PIK3C2G: variants seen among roughly 807,000 people sequenced by gnomAD.
PIK3C2G encodes the protein phosphatidylinositol-4-phosphate 3-kinase catalytic subunit type 2 gamma, also known as phosphatidylinositol 3-kinase C2 domain-containing subunit gamma.
Under a neutral mutation model 181.1 loss-of-function variants are expected in PIK3C2G, and 168 were observed. The observed-to-expected ratio is 0.93, with a 90% CI of 0.82 to 1.05. The LOEUF is 1.05. Among genes scored for constraint, PIK3C2G ranks in the 50% least tolerant of loss-of-function variants. PIK3C2G has a pLI of 0.00. For missense variants in PIK3C2G, 1,869 were observed against 1,732.8 expected, an observed-to-expected ratio of 1.08 and a Z score of -1.40; for synonymous variants, 573 against 592.2, an observed-to-expected ratio of 0.97 and a Z score of 0.47.
the PIK3C2G span, among the ~76,000 whole-genome samples, chr12:18,673,457 A>G: frequency 1.3e-5 from 2 of 152,162 alleles, no homozygotes; most frequent in African/African-American, 4.8e-5. Context: ...TTCTAAAACT[A>G]TTAGGGTTTG....
chr12:18,531,042 C>A (rs763785711), intron 24 of PIK3C2G, among the ~76,000 whole-genome samples: 8 of 152,112 alleles, frequency 5.3e-5, no homozygotes, highest in Non-Finnish European at 1.0e-4. Context: ...GTTAACTATT[C>A]CTTCCTCAAA....
chr12:18,623,015 GTT>G (rs1948932053), intron 31 of PIK3C2G, among the ~76,000 whole-genome samples: 1 of 151,626 alleles, frequency 6.6e-6, no homozygotes. Context: ...GTTGTTTATT[GTT>G]TCTTTTGCTG....
the PIK3C2G span, chr12:18,719,723 G>T: frequency 1.2e-6 from 1 of 811,016 alleles, no homozygotes. Flanking sequence ...TTACTCAGTA[G>T]TAGAGCATAT....
In PIK3C2G at chr12:18,527,771, T is replaced by C. The variant is rs111718079; in HGVS notation, c.3324-10385T>C. Among the ~76,000 whole-genome samples the C allele has an allele frequency of 7.3e-4, 111 of 152,250 alleles. 1 individual carries two copies. Among genetic ancestry groups the C allele is most frequent in the African/African-American group, 2.0e-3 (85 of 41,574 alleles). ...CTATGAATTCAGACACAATATATTA[T>C]ACTTAGGAAAGGAGACTTGATAATT... is the stretch of plus-strand genomic sequence containing the variant. On this transcript the variant is annotated intron_variant, in intron 24 of 32. Transcript: ENST00000538779.
At chr12:18,611,124 T>C (rs1948308681) in intron 31 of PIK3C2G, among the ~76,000 whole-genome samples, 1 of 152,066 alleles carries the variant, frequency 6.6e-6, no homozygotes, top group Non-Finnish European at 1.5e-5. Context: ...CAGATGAAAT[T>C]ACAGTACCAA....
intron 31 of PIK3C2G, among the ~76,000 whole-genome samples, chr12:18,626,393 A>G (rs909335192): frequency 6.6e-6 from 1 of 151,892 alleles, no homozygotes; most frequent in African/African-American, 2.4e-5. Context: ...TATTTTAGCT[A>G]TAGTTCTTAT....
intron 18 of PIK3C2G, among the ~76,000 whole-genome samples, chr12:18,475,984 T>C (rs761259517): frequency 6.6e-6 from 1 of 152,114 alleles, no homozygotes; most frequent in Non-Finnish European, 1.5e-5. Flanking sequence ...GGAGAAACTG[T>C]TGAACCACAA....
At chr12:18,339,424 AGT>A (rs1215024780) in intron 9 of PIK3C2G, among the ~76,000 whole-genome samples, 1 of 151,952 alleles carries the variant, frequency 6.6e-6, no homozygotes, top group Non-Finnish European at 1.5e-5. Flanking sequence ...CAACACTTAC[AGT>A]GTGTGTGTGT....
At chr12:18,566,562 T>C (rs1317790247) in intron 28 of PIK3C2G, among the ~76,000 whole-genome samples, 9 of 152,224 alleles carry the variant, frequency 5.9e-5, no homozygotes, top group African/African-American at 1.9e-4. Context: ...TGTAATGGTG[T>C]CTCTAGTGAA....
the PIK3C2G span, among the ~76,000 whole-genome samples, chr12:18,655,218 A>G: frequency 6.6e-6 from 1 of 152,202 alleles, no homozygotes. Context: ...TATCAGAAAC[A>G]TCAACTGCAG....
the PIK3C2G span, among the ~76,000 whole-genome samples, chr12:18,654,320 A>G: frequency 6.6e-6 from 1 of 151,456 alleles, no homozygotes; most frequent in Non-Finnish European, 1.5e-5. Flanking sequence ...AATCTATCAG[A>G]TAAGAAAAGG....
rs1035684087 is a variant in PIK3C2G at position 18,648,099 on chromosome 12, A to T, written c.*71A>T. ...TTTCACTTCTGGGCCTCTGAATCAC[A>T]TAAGTAAGGCATCTTTGTTGTCAAA... On this transcript the variant is annotated 3_prime_UTR_variant, in exon 33 of 33. Transcript: ENST00000538779. The T allele has an allele frequency of 4.4e-6, 4 of 913,968 alleles. No homozygotes were observed. The African/African-American group carries it at 6.8e-5, about 15-fold the overall frequency. 56.6% of individuals were successfully genotyped at this position (913,968 alleles called of 1,614,324 possible). A position where few individuals can be genotyped will look rare whatever the true frequency, so the allele number is the denominator to read the frequency against.
intron 26 of PIK3C2G, among the ~76,000 whole-genome samples, chr12:18,552,316 G>T (rs764330451): frequency 6.6e-6 from 1 of 152,070 alleles, no homozygotes; most frequent in Non-Finnish European, 1.5e-5. Flanking sequence ...ATAGTTCAAT[G>T]ATTTTATATC....
chr12:18,705,393 G>C, the PIK3C2G span: 1 of 1,534,770 alleles, frequency 6.5e-7, no homozygotes, highest in Non-Finnish European at 9.0e-7. Flanking sequence ...AGTGCTTAAT[G>C]TATTTTAAAA....
chr12:18,348,755 C>A (rs1179070588), intron 11 of PIK3C2G, among the ~76,000 whole-genome samples: 1 of 152,112 alleles, frequency 6.6e-6, no homozygotes, highest in Admixed American at 6.6e-5. Context: ...TAATACATAA[C>A]CAATTACCCC....
chr12:18,428,380 AT>A (rs1050592531), intron 18 of PIK3C2G, among the ~76,000 whole-genome samples: 1 of 151,078 alleles, frequency 6.6e-6, no homozygotes, highest in Non-Finnish European at 1.5e-5. Context: ...AGTTTATGAG[AT>A]TTTTTTTCAC....
chr12:18,319,344 A>G (rs1320922106), intron 6 of PIK3C2G, among the ~76,000 whole-genome samples: 1 of 152,146 alleles, frequency 6.6e-6, no homozygotes, highest in Non-Finnish European at 1.5e-5. Context: ...AAAAATTTTA[A>G]CTTTTTCCTT....
intron 1 of PIK3C2G, among the ~76,000 whole-genome samples, chr12:18,253,588 G>C (rs908050454): frequency 3.3e-5 from 5 of 152,084 alleles, no homozygotes; most frequent in Non-Finnish European, 7.4e-5. Context: ...CTATTAAAAA[G>C]GTCTTATCTA....
chr12:18,487,096 T>TTGTGTGTGTGTGTGTGTGTGTGTGTGTG (rs35440588), intron 18 of PIK3C2G, among the ~76,000 whole-genome samples: 1 of 142,106 alleles, frequency 7.0e-6, no homozygotes, highest in African/African-American at 2.6e-5. Flanking sequence ...TTGAGGTATT[T>TTGTGTGTGTGTGTGTGTGTGTGTGTGTG]TGTGTGTGTG....
Sources: allele counts gnomAD v4.1 joint callset (sites outside exome capture counted in the v4.1 genomes callset), GRCh38; gene constraint gnomAD v4.1.1; transcripts MANE v1.5; gene names NCBI Gene and HGNC (gene_info 2026-07-23, HGNC 2026-07-21).